Variants in SCAPER observed in about 807,000 individuals in gnomAD.
SCAPER encodes the protein S phase cyclin A-associated protein in the endoplasmic reticulum.
Under a neutral mutation model 182.2 loss-of-function variants are expected in SCAPER, and 98 were observed. That is an observed-to-expected ratio of 0.54 (90% CI 0.46 to 0.64). The LOEUF (loss-of-function observed/expected upper bound fraction) is 0.64, where lower values mean the gene tolerates loss of function less well. Among genes scored for constraint, SCAPER ranks in the 30% least tolerant of loss-of-function variants. The pLI is 0.00. For missense variants in SCAPER, 1,432 were observed against 1,690.0 expected (o/e 0.85, Z 2.68); for synonymous variants, 605 against 564.6 (o/e 1.07, Z -1.01).
At chr15:76,608,619 G>T (rs1209724384) in intron 22 of SCAPER, among the ~76,000 whole-genome samples, 2 of 152,200 alleles carry the variant, frequency 1.3e-5, no homozygotes, top group African/African-American at 4.8e-5. Context: ...CCCAGAGGTG[G>T]AGCCTACAGA....
chr15:76,794,826 T>G (rs1282333881), intron 8 of SCAPER, among the ~76,000 whole-genome samples: 1 of 152,206 alleles, frequency 6.6e-6, no homozygotes, highest in Non-Finnish European at 1.5e-5. Flanking sequence ...TTCTAATTAT[T>G]TGTATTCCTT....
chr15:76,461,811 G>C (rs2049202521), intron 25 of SCAPER, among the ~76,000 whole-genome samples: 1 of 152,092 alleles, frequency 6.6e-6, no homozygotes, highest in Non-Finnish European at 1.5e-5. Context: ...TGAATGCTAT[G>C]TCATGAAGAA....
chr15:76,383,724 AC>A lies in SCAPER; in HGVS notation c.3468-2110del, dbSNP rs2043116851. On this transcript the variant is annotated intron_variant, in intron 27 of 31. Coordinates refer to ENST00000563290, the MANE Select transcript of SCAPER (RefSeq NM_020843.4). ...TTTTAGTGGCAAAAGCAGGGATATC[AC>A]CCAGGGCTTTTGACTGTTTAGGGTC... is the stretch of plus-strand genomic sequence containing the variant. Among the ~76,000 whole-genome samples, 14 of 152,340 alleles carry A rather than the reference AC, an allele frequency of 9.2e-5. No homozygotes were observed. The South Asian group carries it at 2.9e-3, about 32-fold the overall frequency.
At chr15:76,781,838 T>C (rs1568119013) in intron 8 of SCAPER, among the ~76,000 whole-genome samples, 1 of 152,196 alleles carries the variant, frequency 6.6e-6, no homozygotes, top group African/African-American at 2.4e-5. Flanking sequence ...AAGCAAATGC[T>C]GAGAGATTTT....
chr15:76,619,134 C>T (rs113329121), intron 22 of SCAPER, among the ~76,000 whole-genome samples: 126 of 152,284 alleles, frequency 8.3e-4, no homozygotes, highest in African/African-American at 2.7e-3. Flanking sequence ...TGTGAGCTAC[C>T]GCACCCAGCC....
intron 6 of SCAPER, among the ~76,000 whole-genome samples, chr15:76,804,133 C>CTGGTAAAAT (rs1245333221): frequency 7.9e-5 from 12 of 152,204 alleles, no homozygotes; most frequent in Admixed American, 7.9e-4. Context: ...GGCCAACCAG[C>CTGGTAAAAT]TGGTAAAATC....
At chr15:76,727,618 A>G (rs527848281) in intron 17 of SCAPER, among the ~76,000 whole-genome samples, 1 of 152,250 alleles carries the variant, frequency 6.6e-6, no homozygotes, top group South Asian at 2.1e-4. Context: ...AAAAGATAAA[A>G]CTATAAAATT....
At chr15:76,414,343 T>C (rs1234614828) in intron 26 of SCAPER, among the ~76,000 whole-genome samples, 2 of 151,982 alleles carry the variant, frequency 1.3e-5, no homozygotes, top group Non-Finnish European at 2.9e-5. Context: ...ATAACATCAA[T>C]TTACCGTTCA....
intron 21 of SCAPER, among the ~76,000 whole-genome samples, chr15:76,651,814 GAAA>G (rs200721516): frequency 4.0e-5 from 4 of 99,448 alleles, no homozygotes; most frequent in Admixed American, 2.1e-4. Context: ...AGGCACAATG[GAAA>G]AAAAAAAAAA....
intron 27 of SCAPER, among the ~76,000 whole-genome samples, chr15:76,394,117 TATG>T (rs907658175): frequency 7.9e-5 from 12 of 152,102 alleles, no homozygotes; most frequent in African/African-American, 2.7e-4. Flanking sequence ...CAAAGGAAAA[TATG>T]AGGTACCGTG....
intron 25 of SCAPER, among the ~76,000 whole-genome samples, chr15:76,451,994 C>T (rs944269906): frequency 1.3e-5 from 2 of 151,984 alleles, no homozygotes; most frequent in African/African-American, 4.8e-5. Context: ...TTCTCTTTTC[C>T]TCTTCATTTT....
intron 31 of SCAPER, chr15:76,350,667 T>G (rs923152293): frequency 6.6e-6 from 1 of 152,118 alleles, no homozygotes; most frequent in Non-Finnish European, 1.5e-5. Context: ...CTAACTCTGA[T>G]CACAGCAAAC....
intron 2 of SCAPER, among the ~76,000 whole-genome samples, chr15:76,871,176 A>G (rs1020560927): frequency 1.3e-5 from 2 of 152,038 alleles, no homozygotes; most frequent in Non-Finnish European, 2.9e-5. Context: ...TTGGGAGTTC[A>G]AGGCGGGCGG....
At chr15:76,712,119 G>C (rs1489336907) in intron 17 of SCAPER, among the ~76,000 whole-genome samples, 1 of 152,124 alleles carries the variant, frequency 6.6e-6, no homozygotes, top group African/African-American at 2.4e-5. Flanking sequence ...TTTGTATAAG[G>C]TGTAAGGAAG....
intron 15 of SCAPER, among the ~76,000 whole-genome samples, chr15:76,752,931 A>G (rs2062183123): frequency 6.6e-6 from 1 of 151,794 alleles, no homozygotes; most frequent in South Asian, 2.1e-4. Context: ...CTATACATGT[A>G]TTTAAAAAAA....
At chr15:76,842,053 T>C in intron 4 of SCAPER, 122 bp from the exon 5 acceptor site, 2 of 784,220 alleles carry the variant, frequency 2.6e-6, no homozygotes, top group East Asian at 5.3e-5. Context: ...GCATCTGTAC[T>C]GAACATGTAT....
At chr15:76,760,860 C>A (rs376583700) in intron 14 of SCAPER, among the ~76,000 whole-genome samples, 1 of 152,104 alleles carries the variant, frequency 6.6e-6, no homozygotes, top group Non-Finnish European at 1.5e-5. Context: ...GGGGCAGAGA[C>A]CAATATAATA....
intron 23 of SCAPER, among the ~76,000 whole-genome samples, chr15:76,553,842 C>A (rs2045974269): frequency 6.6e-6 from 1 of 152,146 alleles, no homozygotes; most frequent in Non-Finnish European, 1.5e-5. Context: ...AAAGGAGCAA[C>A]TTCAAAGATT....
At chr15:76,659,914 A>G (rs1223932203) in intron 21 of SCAPER, among the ~76,000 whole-genome samples, 4 of 152,212 alleles carry the variant, frequency 2.6e-5, no homozygotes, top group Admixed American at 6.5e-5. Context: ...AGGAATATAA[A>G]TCTTTCTACC....
Sources: allele counts gnomAD v4.1 joint callset (sites outside exome capture counted in the v4.1 genomes callset), GRCh38; gene constraint gnomAD v4.1.1; transcripts MANE v1.5; gene names NCBI Gene and HGNC (gene_info 2026-07-23, HGNC 2026-07-21).